Variants in SRP54 observed in about 807,000 individuals in gnomAD.
The protein encoded by SRP54 is signal recognition particle subunit SRP54.
A neutral mutation model predicts 64.8 loss-of-function variants in SRP54; 10 were observed. The observed-to-expected ratio is 0.15, with a 90% CI of 0.10 to 0.26. The LOEUF is 0.26. Among genes scored for constraint, SRP54 ranks in the 10% least tolerant of loss-of-function variants. SRP54 has a pLI of 1.00. For synonymous variants in SRP54, 193 were observed against 185.6 expected (o/e 1.04, Z -0.32); for missense variants, 325 against 613.7 (o/e 0.53, Z 4.97).
At position 35,000,038 on chromosome 14, in the gene SRP54, G is replaced by A. The variant is rs2044144693; in HGVS notation, c.170+389G>A. ...AATCAACCTTCATTATTGGAGGACT[G>A]TATTCTCTTTTGTTCTCCTTTTGGT... On this transcript the variant is annotated intron_variant, in intron 3 of 15. Coordinates refer to ENST00000216774, the MANE Select transcript of SRP54 (RefSeq NM_003136.4). Among the ~76,000 whole-genome samples the A allele has an allele frequency of 2.0e-5, 3 of 152,090 alleles. No homozygotes were observed. In the South Asian group the frequency reaches 6.2e-4, roughly 32 times the overall value.
chr14:34,985,911 G>T (rs1003017215), intron 1 of SRP54, among the ~76,000 whole-genome samples: 1 of 152,142 alleles, frequency 6.6e-6, no homozygotes, highest in African/African-American at 2.4e-5. Context: ...TTGAGCATAT[G>T]CCTCTTATCC....
At chr14:35,010,719 C>T (rs183384066) in intron 7 of SRP54, among the ~76,000 whole-genome samples, 2 of 151,778 alleles carry the variant, frequency 1.3e-5, no homozygotes, top group Non-Finnish European at 2.9e-5. Context: ...GAGCCGAGAT[C>T]GCACCACTGC....
intron 13 of SRP54, chr14:35,019,489 C>G (rs952091277): frequency 6.4e-6 from 1 of 156,090 alleles, no homozygotes; most frequent in Non-Finnish European, 1.4e-5. Flanking sequence ...TAAGACCAAC[C>G]TGGCCAAACG....
chr14:35,020,816 G>C (rs2044517612), intron 13 of SRP54, among the ~76,000 whole-genome samples: 1 of 152,092 alleles, frequency 6.6e-6, no homozygotes, highest in African/African-American at 2.4e-5. Context: ...AACTCCTATG[G>C]CATATTCAGT....
At chr14:35,013,589 C>A in intron 9 of SRP54, 95 bp downstream of exon 9, 1 of 1,394,852 alleles carries the variant, frequency 7.2e-7, no homozygotes, top group South Asian at 1.3e-5. Flanking sequence ...AAATATGTTT[C>A]AATAGTGAGC....
intron 1 of SRP54, among the ~76,000 whole-genome samples, chr14:34,989,822 T>C (rs180811850): frequency 6.6e-6 from 1 of 152,024 alleles, no homozygotes; most frequent in South Asian, 2.1e-4. Context: ...ATATGCTAGG[T>C]TTTTGAAGAC....
intron 9 of SRP54, 45 bp from the exon 10 acceptor site, chr14:35,013,757 G>A: frequency 1.3e-6 from 2 of 1,508,688 alleles, no homozygotes; most frequent in Non-Finnish European, 1.8e-6. Context: ...CTGGAAATTT[G>A]TGGGGTTCTT....
intron 1 of SRP54, among the ~76,000 whole-genome samples, chr14:34,984,275 T>C (rs531425216): frequency 2.6e-5 from 4 of 152,204 alleles, no homozygotes; most frequent in Non-Finnish European, 4.4e-5. Context: ...ATGTAGCTTT[T>C]TAAAAATTGA....
intron 4 of SRP54, among the ~76,000 whole-genome samples, chr14:35,006,139 C>T (rs866837878): frequency 4.6e-5 from 7 of 151,484 alleles, no homozygotes; most frequent in Middle Eastern, 3.2e-3. Flanking sequence ...GCGCCCGGCC[C>T]TAAATGTCCC....
intron 14 of SRP54, among the ~76,000 whole-genome samples, chr14:35,023,822 A>ACACACACT (rs1315035618): frequency 6.7e-6 from 1 of 149,974 alleles, no homozygotes; most frequent in Admixed American, 6.7e-5. Flanking sequence ...ACACACACAC[A>ACACACACT]CTTCTTCTGA....
At chr14:35,003,220 G>A (rs2044205097) in intron 4 of SRP54, among the ~76,000 whole-genome samples, 1 of 152,084 alleles carries the variant, frequency 6.6e-6, no homozygotes, top group African/African-American at 2.4e-5. Context: ...CTAGAGGAAT[G>A]GTGTACAAAG....
At chr14:35,018,833 C>T in intron 12 of SRP54, 68 bp downstream of exon 12, 2 of 1,487,922 alleles carry the variant, frequency 1.3e-6, no homozygotes, top group Non-Finnish European at 1.8e-6. Context: ...GATACACTTG[C>T]TTTAATTATT....
Position 35,028,143 on chromosome 14 carries a change from A to G in SRP54, c.1383A>G (p.Gln461=), listed in dbSNP as rs1253066066. 3 of 1,613,566 alleles carry G rather than the reference A, an allele frequency of 1.9e-6. No individual in the cohort carries two copies. Among genetic ancestry groups the G allele is most frequent in the Non-Finnish European group, 2.5e-6 (3 of 1,179,752 alleles). Residue 461 remains glutamine, a synonymous_variant, in exon 15 of 16, where the codon CAA becomes CAG. Transcript: ENST00000216774. ...SQSQMAKLNQ[Q]MAKMMDPRVL... ...CACAGATGGCAAAATTGAACCAACAAATGGCCAAAATGATGGATCCTAGGG... is the reference window on the plus strand; with the variant it reads ...CACAGATGGCAAAATTGAACCAACAGATGGCCAAAATGATGGATCCTAGGG...
chr14:35,002,015 A>G (rs970228916), intron 4 of SRP54, among the ~76,000 whole-genome samples: 6 of 151,762 alleles, frequency 4.0e-5, no homozygotes, highest in African/African-American at 1.5e-4. Context: ...AACCAGGGCA[A>G]CATAGTGAGA....
intron 14 of SRP54, among the ~76,000 whole-genome samples, chr14:35,023,332 C>T (rs1158861794): frequency 6.6e-6 from 1 of 150,622 alleles, no homozygotes; most frequent in African/African-American, 2.4e-5. Flanking sequence ...TTTTTGTGAA[C>T]ACATTATATT....
chr14:34,986,433 G>T (rs911263164), intron 1 of SRP54, among the ~76,000 whole-genome samples: 1 of 152,124 alleles, frequency 6.6e-6, no homozygotes, highest in Non-Finnish European at 1.5e-5. Flanking sequence ...ATGAGTAAAT[G>T]AATACAAGTG....
At chr14:35,001,062 G>A (rs772290823) in intron 4 of SRP54, 42 bp downstream of exon 4, 23 of 1,037,428 alleles carry the variant, frequency 2.2e-5, no homozygotes, top group Non-Finnish European at 3.2e-5. Flanking sequence ...TATACTCAGT[G>A]GATAAAAAAG....
At chr14:35,007,697 G>T (rs890610773) in intron 5 of SRP54, among the ~76,000 whole-genome samples, 3 of 103,786 alleles carry the variant, frequency 2.9e-5, no homozygotes, top group East Asian at 2.3e-4. Context: ...ACATAAAATA[G>T]ATTTTATTAA....
chr14:34,999,004 TGTGTGTGTGG>T (rs1388415440), intron 2 of SRP54, among the ~76,000 whole-genome samples: 1,586 of 81,582 alleles, frequency 0.019, 95 homozygotes, highest in East Asian at 0.061. Context: ...TGTGTGTGTG[TGTGTGTGTGG>T]TTTTTTTTTT....
Sources: allele counts gnomAD v4.1 joint callset (sites outside exome capture counted in the v4.1 genomes callset), GRCh38; gene constraint gnomAD v4.1.1; transcripts MANE v1.5; gene names NCBI Gene and HGNC (gene_info 2026-07-23, HGNC 2026-07-21).